Variants in GMFB observed in about 807,000 individuals in gnomAD.
GMFB encodes the protein GMF-beta.
A neutral mutation model predicts 25.6 loss-of-function variants in GMFB; 13 were observed. The ratio of observed to expected loss-of-function variants is 0.51; its 90% CI spans 0.33 to 0.81. The LOEUF is 0.81. Ranked by LOEUF, GMFB falls within the 30% of genes least tolerant of loss-of-function variation. The probability of loss-of-function intolerance (pLI) is 0.02; values close to 1 mark genes in which losing one functional copy is unlikely to be tolerated. For missense variants in GMFB, 146 were observed against 175.4 expected, an observed-to-expected ratio of 0.83 and a Z score of 0.95; for synonymous variants, 57 against 56.9, an observed-to-expected ratio of 1.00 and a Z score of 0.00.
chr14:54,481,251 C>T, intron 4 of GMFB, 158 bp downstream of exon 4: 3 of 582,634 alleles, frequency 5.1e-6, no homozygotes, highest in Non-Finnish European at 9.2e-6. Context: ...ACGAATAAAC[C>T]AACTTTTCAT....
At chr14:54,488,405 G>T (rs2031818379) in intron 1 of GMFB, among the ~76,000 whole-genome samples, 1 of 152,226 alleles carries the variant, frequency 6.6e-6, no homozygotes, top group Non-Finnish European at 1.5e-5. Context: ...TCCTCTGTAG[G>T]AAGCTAGGGA....
rs373185583 is a variant in GMFB, at chr14:54,475,055, C to T, written c.*3033G>A. 2.6e-5 allele frequency: 4 copies of T among 152,608 alleles called. No homozygotes were observed. Among genetic ancestry groups the T allele is most frequent in the East Asian group, 1.9e-4 (1 of 5,176 alleles). 9.5% of individuals were successfully genotyped at this position (152,608 alleles called of 1,614,324 possible). On this transcript the variant is annotated 3_prime_UTR_variant, in exon 7 of 7. Coordinates refer to ENST00000358056, the MANE Select transcript of GMFB (RefSeq NM_004124.3). ...CTATTGAACAAATAGGGAAAGCAAC[C>T]ATAGTAAGAATACTTGAATTGATAG...
intron 1 of GMFB, 179 bp downstream of exon 1, chr14:54,488,746 G>A (rs967392288): frequency 1.1e-5 from 6 of 526,846 alleles, no homozygotes; most frequent in Admixed American, 8.7e-5. Flanking sequence ...GCCCTGAGGC[G>A]TGGTGGCGGC....
chr14:54,484,217 G>A (rs2031753589), intron 1 of GMFB, among the ~76,000 whole-genome samples: 1 of 151,368 alleles, frequency 6.6e-6, no homozygotes. Flanking sequence ...CACAATTACA[G>A]GGGAAAAAAA....
At chr14:54,487,494 G>A (rs1057349336) in intron 1 of GMFB, among the ~76,000 whole-genome samples, 2 of 151,724 alleles carry the variant, frequency 1.3e-5, no homozygotes, top group South Asian at 2.1e-4. Context: ...AGCGGAGATC[G>A]CGCCACTGCA....
At chr14:54,487,688 G>A (rs1163623102) in intron 1 of GMFB, among the ~76,000 whole-genome samples, 1 of 152,190 alleles carries the variant, frequency 6.6e-6, no homozygotes, top group Non-Finnish European at 1.5e-5. Flanking sequence ...ACTCCAGCCT[G>A]GGCCACAAGA....
At chr14:54,486,047 C>T (rs1035251860) in intron 1 of GMFB, among the ~76,000 whole-genome samples, 23 of 152,220 alleles carry the variant, frequency 1.5e-4, no homozygotes, top group Non-Finnish European at 2.8e-4. Flanking sequence ...GTCAGGAGTT[C>T]GAGACCAGCC....
intron 2 of GMFB, 89 bp downstream of exon 2, chr14:54,483,582 C>T: frequency 7.2e-6 from 5 of 693,910 alleles, no homozygotes; most frequent in Non-Finnish European, 1.3e-5. Flanking sequence ...AGTAACATTG[C>T]TTTCCAACGG....
rs1452327858 is a variant in GMFB, at chr14:54,481,418, C to T, written c.191G>A (p.Arg64Gln). 8.7e-6 allele frequency: 14 copies of T among 1,603,930 alleles called. No individual in the cohort carries two copies. Among genetic ancestry groups the T allele is most frequent in the Non-Finnish European group, 1.2e-5 (14 of 1,171,250 alleles). Residue 64 changes from arginine (R) to glutamine (Q), a missense_variant, in exon 4 of 7, where the codon CGA becomes CAA. Arg to Gln is a conservative substitution (Grantham distance 43). Coordinates refer to ENST00000358056, the MANE Select transcript of GMFB (RefSeq NM_004124.3). ...ACTAAGAAAAGGATATCGAGGTTGT[C>T]GTTCAGGTAGTTCATCTTTAAGTTC... ...PDELKDELPE[R>Q]QPRFIVYSYK...
rs946392542 is a variant in GMFB at position 54,475,053 on chromosome 14, A to C, written c.*3035T>G. ...GTCTATTGAACAAATAGGGAAAGCAACCATAGTAAGAATACTTGAATTGAT... is the reference window on the plus strand; with the variant it reads ...GTCTATTGAACAAATAGGGAAAGCACCCATAGTAAGAATACTTGAATTGAT... On this transcript the variant is annotated 3_prime_UTR_variant, in exon 7 of 7. Transcript: ENST00000358056. 2 of 152,622 alleles carry C rather than the reference A, an allele frequency of 1.3e-5. No homozygotes were observed. Among genetic ancestry groups the C allele is most frequent in the Non-Finnish European group, 2.9e-5 (2 of 68,016 alleles). The allele number at this position is 152,622 out of a possible 1,614,324, so 9.5% of individuals were successfully genotyped here. A position where few individuals can be genotyped will look rare whatever the true frequency, so the allele number is the denominator to read the frequency against.
intron 2 of GMFB, among the ~76,000 whole-genome samples, chr14:54,482,975 C>T (rs986672691): frequency 5.3e-5 from 8 of 151,994 alleles, no homozygotes; most frequent in African/African-American, 1.9e-4. Context: ...GAATTCATGA[C>T]AAGTTGTCAT....
Position 54,480,848 on chromosome 14 carries a change from T to C in GMFB, c.283+26A>G. The C allele has an allele frequency of 4.4e-6, 5 of 1,149,418 alleles. No homozygotes were observed. In the South Asian group the frequency reaches 5.3e-5, roughly 12 times the overall value. The allele number at this position is 1,149,418 out of a possible 1,614,324, so 71.2% of individuals were successfully genotyped here. A position where few individuals can be genotyped will look rare whatever the true frequency, so the allele number is the denominator to read the frequency against. On this transcript the variant is annotated intron_variant, in intron 5 of 6. Coordinates refer to ENST00000358056, the MANE Select transcript of GMFB (RefSeq NM_004124.3). ...GGCTTAATTGGATCTAAGCCAAATA[T>C]GTGTTATTTAAAGAAATTCACTTAC...
At chr14:54,488,070 T>A (rs2031813086) in intron 1 of GMFB, among the ~76,000 whole-genome samples, 1 of 152,196 alleles carries the variant, frequency 6.6e-6, no homozygotes, top group South Asian at 2.1e-4. Context: ...AAGAATCCAT[T>A]CGATTCAGTG....
intron 2 of GMFB, 148 bp from the exon 3 acceptor site, chr14:54,482,350 C>T (rs1187211754): frequency 6.8e-5 from 38 of 558,036 alleles, no homozygotes; most frequent in Non-Finnish European, 1.2e-4. Context: ...TTTTAGTTTA[C>T]GGTTTATTAG....
intron 2 of GMFB, 39 bp downstream of exon 2, chr14:54,483,632 T>A: frequency 9.8e-7 from 1 of 1,016,236 alleles, no homozygotes; most frequent in Non-Finnish European, 1.5e-6. Flanking sequence ...AAAAACAAAT[T>A]AAGACCATGT....
At chr14:54,487,190 G>A (rs2031794527) in intron 1 of GMFB, among the ~76,000 whole-genome samples, 1 of 152,158 alleles carries the variant, frequency 6.6e-6, no homozygotes, top group African/African-American at 2.4e-5. Context: ...GAGGTCAGGA[G>A]ATCGAGACCA....
chr14:54,483,360 C>A, intron 2 of GMFB: 1 of 248,112 alleles, frequency 4.0e-6, no homozygotes, highest in South Asian at 8.8e-5. Context: ...TTTTTAGTCC[C>A]CCAAGAAGGA....
intron 1 of GMFB, among the ~76,000 whole-genome samples, chr14:54,486,278 C>A (rs181622250): frequency 1.3e-5 from 2 of 151,874 alleles, no homozygotes; most frequent in Non-Finnish European, 2.9e-5. Context: ...CAAAAACAAA[C>A]AGACCCCAAC....
rs1342942086 is a variant in GMFB, at chr14:54,486,253, AC to A, written c.4-2487del. On this transcript the variant is annotated intron_variant, in intron 1 of 6. Transcript: ENST00000358056. Reference sequence around the variant, plus strand: ...GACAGAGCGAGACTCCATCTCAAAAACAAAAACAAAAAAACAAAAACAAACA... The same window carrying A: ...GACAGAGCGAGACTCCATCTCAAAAAAAAAACAAAAAAACAAAAACAAACA... Among the ~76,000 whole-genome samples the A allele has an allele frequency of 1.9e-3, 282 of 152,282 alleles. 1 individual carries two copies. Among genetic ancestry groups the A allele is most frequent in the African/African-American group, 6.3e-3 (262 of 41,550 alleles).
Sources: gnomAD v4.1 joint callset for allele counts (sites outside exome capture counted in the v4.1 genomes callset) on GRCh38, gnomAD v4.1.1 for gene constraint, MANE v1.5 for transcripts, NCBI Gene and HGNC (gene_info 2026-07-23, HGNC 2026-07-21) for gene names.